The following ZNF280C variants were observed in gnomAD, a reference collection of about 807,000 sequenced individuals.
ZNF280C encodes the protein zinc finger protein 280C.
In ZNF280C, 14 loss-of-function variants were observed where a neutral mutation model predicts 53.6. The ratio of observed to expected loss-of-function variants is 0.26; its 90% CI spans 0.17 to 0.41. The LOEUF is 0.41. ZNF280C is among the 10% of genes least tolerant of loss of function. The probability of loss-of-function intolerance (pLI) is 1.00; values close to 1 mark genes in which losing one functional copy is unlikely to be tolerated. For synonymous variants in ZNF280C, 203 were observed against 181.1 expected (o/e 1.12, Z -0.97); for missense variants, 416 against 547.1 (o/e 0.76, Z 2.39).
intron 8 of ZNF280C, among the ~76,000 whole-genome samples, chrX:130,231,234 G>A (rs775482027): frequency 1.8e-5 from 2 of 111,098 alleles, no homozygotes; most frequent in East Asian, 2.8e-4. Context: ...AAAATTAATC[G>A]TTCTACCAAA....
At chrX:130,221,034 C>T (rs2032158238) in intron 12 of ZNF280C, among the ~76,000 whole-genome samples, 2 of 111,425 alleles carry the variant, frequency 1.8e-5, no homozygotes, top group Admixed American at 1.9e-4. Context: ...GCATATAAAA[C>T]ACAAACAATC....
At chrX:130,221,337 T>C (rs2032161571) in intron 12 of ZNF280C, among the ~76,000 whole-genome samples, 1 of 111,677 alleles carries the variant, frequency 9.0e-6, no homozygotes, top group Admixed American at 9.5e-5. Flanking sequence ...ATGGATAGAA[T>C]GTTCCCGCAG....
intron 9 of ZNF280C, 79 bp downstream of exon 9, chrX:130,230,431 C>T: frequency 1.6e-6 from 1 of 608,897 alleles, no homozygotes; most frequent in Non-Finnish European, 2.5e-6. Flanking sequence ...CCGAGGATGG[C>T]AGAGCAATGT....
At chrX:130,258,182 G>A (rs923409089) in intron 2 of ZNF280C, among the ~76,000 whole-genome samples, 1 of 112,066 alleles carries the variant, frequency 8.9e-6, no homozygotes, top group African/African-American at 3.2e-5. Flanking sequence ...GGAGTGACAT[G>A]TGGATTGTCG....
In ZNF280C at chrX:130,232,900, T is replaced by C. The variant is rs768050935; in HGVS notation, c.772-2173A>G. On this transcript the variant is annotated intron_variant, in intron 8 of 18. Transcript: ENST00000370978. ...TGTACTCCCATGTAGGTAGACTTCA[T>C]TGCAGGGTTATTCATAATAGCCAAG... 4.5e-5 allele frequency among the ~76,000 whole-genome samples: 5 copies of C among 111,783 alleles called. No homozygotes were observed. The East Asian group carries it at 1.4e-3, about 31-fold the overall frequency.
At chrX:130,219,964 A>T (rs976604656) in intron 13 of ZNF280C, among the ~76,000 whole-genome samples, 6 of 111,498 alleles carry the variant, frequency 5.4e-5, no homozygotes, top group African/African-American at 2.0e-4. Context: ...AATAACAATC[A>T]GAGGTCAATT....
At chrX:130,229,403 A>G (rs1449269557) in intron 9 of ZNF280C, among the ~76,000 whole-genome samples, 1 of 111,875 alleles carries the variant, frequency 8.9e-6, no homozygotes, top group African/African-American at 3.2e-5. Flanking sequence ...CTATATCATT[A>G]TTTTAGATTT....
chrX:130,220,332 C>T lies in ZNF280C; in HGVS notation c.1527+17G>A, dbSNP rs2032151184. ...AGAATGTGCAAAAAACCACCAAAAA[C>T]TCCCTCACAAACTCACTTTTGCTCC... On this transcript the variant is annotated intron_variant, in intron 13 of 18. Coordinates refer to ENST00000370978, the MANE Select transcript of ZNF280C (RefSeq NM_017666.5). The T allele has an allele frequency of 2.7e-6, 3 of 1,102,448 alleles. No individual in the cohort carries two copies. In the African/African-American group the frequency reaches 5.6e-5, roughly 20 times the overall value. The allele number at this position is 1,102,448 out of a possible 1,213,427, so 90.9% of individuals were successfully genotyped here.
At position 130,246,717 on chromosome X, in the gene ZNF280C, C is replaced by T. The variant is rs1443091096; in HGVS notation, c.178+142G>A. On this transcript the variant is annotated intron_variant, in intron 3 of 18. Coordinates refer to ENST00000370978, the MANE Select transcript of ZNF280C (RefSeq NM_017666.5). ...AACTACATTCCCGCTTTGATTCTCA[C>T]AAGTTCTTACTGACCTTTACTCTCC... 3 of 707,326 alleles carry T rather than the reference C, an allele frequency of 4.2e-6. No homozygotes were observed. In the Admixed American group the frequency reaches 9.8e-5, roughly 23 times the overall value. 58.3% of individuals were successfully genotyped at this position (707,326 alleles called of 1,213,427 possible). A position where few individuals can be genotyped will look rare whatever the true frequency, so the allele number is the denominator to read the frequency against.
At chrX:130,258,639 G>T (rs1178612744) in intron 2 of ZNF280C, among the ~76,000 whole-genome samples, 1 of 112,070 alleles carries the variant, frequency 8.9e-6, no homozygotes, top group Non-Finnish European at 1.9e-5. Context: ...ATAGAATGTT[G>T]TAAGTCAGAC....
At chrX:130,206,363 T>G (rs1405097781) in intron 16 of ZNF280C, among the ~76,000 whole-genome samples, 1 of 91,516 alleles carries the variant, frequency 1.1e-5, no homozygotes, top group Non-Finnish European at 2.2e-5. Context: ...CTTCTTTAGT[T>G]TTTTTTTTTT....
chrX:130,257,606 G>A (rs920846714), intron 2 of ZNF280C, among the ~76,000 whole-genome samples: 4 of 111,207 alleles, frequency 3.6e-5, no homozygotes, highest in African/African-American at 1.3e-4. Flanking sequence ...ACAACTGAAA[G>A]TACATGCTTT....
intron 2 of ZNF280C, among the ~76,000 whole-genome samples, chrX:130,247,491 C>T (rs896842554): frequency 2.7e-5 from 3 of 111,460 alleles, no homozygotes; most frequent in Middle Eastern, 4.2e-3. Flanking sequence ...CCACCCTGAG[C>T]GGCCATCTCT....
At chrX:130,213,206 T>A (rs2032060218) in intron 15 of ZNF280C, among the ~76,000 whole-genome samples, 1 of 106,653 alleles carries the variant, frequency 9.4e-6, no homozygotes, top group South Asian at 4.1e-4. Flanking sequence ...ACAAAAAAAA[T>A]AAAAATAAAA....
intron 13 of ZNF280C, among the ~76,000 whole-genome samples, chrX:130,216,319 A>T (rs1293141853): frequency 8.9e-6 from 1 of 111,886 alleles, no homozygotes; most frequent in Non-Finnish European, 1.9e-5. Context: ...ATTATATACA[A>T]AAATTATCTC....
chrX:130,226,713 C>G (rs2032224883), intron 12 of ZNF280C, 46 bp downstream of exon 12: 1 of 1,163,193 alleles, frequency 8.6e-7, no homozygotes, highest in Non-Finnish European at 1.2e-6. Context: ...AGATCTATAT[C>G]TTTTCACTAA....
intron 14 of ZNF280C, 94 bp from the exon 15 acceptor site, chrX:130,215,427 G>A: frequency 1.2e-6 from 1 of 854,191 alleles, no homozygotes; most frequent in Non-Finnish European, 1.6e-6. Context: ...AAGCCAAAAT[G>A]TTTAAATTGG....
In ZNF280C at chrX:130,228,991, G is replaced by T. The variant is rs1331007823; in HGVS notation, c.1133C>A (p.Pro378His). 5.9e-6 allele frequency: 7 copies of T among 1,190,284 alleles called. No homozygotes were observed. The highest frequency in any genetic ancestry group is 7.9e-6 in the Non-Finnish European group (7 of 884,611). Residue 378 changes from proline to histidine, a missense_variant, in exon 10 of 19, where the codon CCC becomes CAC. This residue lies in a region of ZNF280C where 72 missense variants were observed against 168.8 expected (regional missense o/e 0.43). Coordinates refer to ENST00000370978, the MANE Select transcript of ZNF280C (RefSeq NM_017666.5). Reference protein sequence around the residue: ...LQCHIESTHTPHEFSTICKIC... With the variant: ...LQCHIESTHTHHEFSTICKIC... ...CTTTCACTTACTAGAAAACTCATGG[G>T]GAGTGTGTGTACTCTCAATGTGGCA...
chrX:130,215,102 G>A (rs1281888939), intron 15 of ZNF280C, 91 bp downstream of exon 15: 4 of 1,018,847 alleles, frequency 3.9e-6, no homozygotes, highest in South Asian at 4.3e-5. Context: ...TCCTTGATGA[G>A]ACAAACTTGC....
Sources: gnomAD v4.1 joint callset for allele counts (sites outside exome capture counted in the v4.1 genomes callset) on GRCh38, gnomAD v4.1.1 for gene constraint, gnomAD v4.1.1 regional missense constraint, MANE v1.5 for transcripts, NCBI Gene and HGNC (gene_info 2026-07-23, HGNC 2026-07-21) for gene names.